The following IFNE variants were observed in gnomAD, a reference collection of about 807,000 sequenced individuals.
IFNE encodes interferon epsilon, also known as IFN-epsilon.
For missense variants in IFNE, 276 were observed against 232.4 expected (o/e 1.19, Z -1.22); for synonymous variants, 94 against 87.4 (o/e 1.08, Z -0.42).
chr9:21,481,688 T>C lies in IFNE; in HGVS notation c.7A>G (p.Ile3Val), dbSNP rs761470150. 1 of 1,609,392 alleles carries C rather than the reference T, an allele frequency of 6.2e-7. No homozygotes were observed. Among genetic ancestry groups the C allele is most frequent in the South Asian group, 1.1e-5 (1 of 90,300 alleles). Residue 3 changes from isoleucine (I) to valine (V), a missense_variant, in exon 1 of 1, where the codon ATC becomes GTC. Transcript: ENST00000448696. The stretch of plus-strand genomic sequence containing the variant: ...AACACAGTTCCAAAGAAGTGCTTGA[T>C]AATCATGGTGAAGGTCAAATATGCT... MI[I>V]KHFFGTVLVL...
At position 21,481,733 on chromosome 9, in the gene IFNE, T is replaced by C. The variant is rs1197947789; in HGVS notation, c.-39A>G. On this transcript the variant is annotated 5_prime_UTR_variant, in exon 1 of 1. The change abolishes the stop of an existing upstream ORF in the 5' untranslated region. Coordinates refer to ENST00000448696, the MANE Select transcript of IFNE (RefSeq NM_176891.5). ...TATGCTACTTATCCCTGCATAGACT[T>C]AGGGAAATTCCAGCTCTAGTGAATG... is the stretch of plus-strand genomic sequence containing the variant. 1.3e-6 allele frequency: 2 copies of C among 1,544,812 alleles called. No individual in the cohort carries two copies. Among genetic ancestry groups the C allele is most frequent in the Non-Finnish European group, 1.7e-6 (2 of 1,144,638 alleles).
Position 21,481,922 on chromosome 9 carries a change from G to A in IFNE, c.-228C>T. 2.0e-6 allele frequency: 1 copy of A among 496,532 alleles called. No homozygotes were observed. The highest frequency in any genetic ancestry group is 3.6e-6 in the Non-Finnish European group (1 of 274,122). 30.8% of individuals were successfully genotyped at this position (496,532 alleles called of 1,614,324 possible). On this transcript the variant is annotated 5_prime_UTR_variant, in exon 1 of 1. Coordinates refer to ENST00000448696, the MANE Select transcript of IFNE (RefSeq NM_176891.5). Reference sequence around the variant, plus strand: ...TCCCTATTGTGTTGGCTATTTTGAGGAAGTACCAAAATAACTTATTCATTG... The same window carrying A: ...TCCCTATTGTGTTGGCTATTTTGAGAAAGTACCAAAATAACTTATTCATTG...
Position 21,481,896 on chromosome 9 carries a change from T to C in IFNE, c.-202A>G. On this transcript the variant is annotated 5_prime_UTR_variant, in exon 1 of 1. Transcript: ENST00000448696. ...GGTGTTCAGAGTACATTTTCTCCAT[T>C]TCCCTATTGTGTTGGCTATTTTGAG... 1 of 561,362 alleles carries C rather than the reference T, an allele frequency of 1.8e-6. No homozygotes were observed. Among genetic ancestry groups the C allele is most frequent in the Non-Finnish European group, 3.2e-6 (1 of 313,704 alleles). The allele number at this position is 561,362 out of a possible 1,614,324, so 34.8% of individuals were successfully genotyped here.
chr9:21,481,921 G>A lies in IFNE; in HGVS notation c.-227C>T, dbSNP rs1340277000. On this transcript the variant is annotated 5_prime_UTR_variant, in exon 1 of 1. Transcript: ENST00000448696. The stretch of plus-strand genomic sequence containing the variant: ...TTCCCTATTGTGTTGGCTATTTTGA[G>A]GAAGTACCAAAATAACTTATTCATT... 2.0e-6 allele frequency: 1 copy of A among 496,260 alleles called. No homozygotes were observed. Among genetic ancestry groups the A allele is most frequent in the South Asian group, 3.3e-5 (1 of 30,698 alleles). The allele number at this position is 496,260 out of a possible 1,614,324, so 30.7% of individuals were successfully genotyped here. A position where few individuals can be genotyped will look rare whatever the true frequency, so the allele number is the denominator to read the frequency against.
In IFNE at chr9:21,481,419, G is replaced by A. The variant is rs745508900; in HGVS notation, c.276C>T (p.Phe92=). Residue 92 remains phenylalanine (F), a synonymous_variant, in exon 1 of 1, where the codon TTC becomes TTT. Transcript: ENST00000448696. The part of the protein sequence containing the change: ...HEMLQQIFSL[F]RANISLDGWE... ...AACCATCCAGAGAAATATTTGCCCTGAAGAGGCTGAAGATCTGCTGAAGCA... is the reference window on the plus strand; with the variant it reads ...AACCATCCAGAGAAATATTTGCCCTAAAGAGGCTGAAGATCTGCTGAAGCA... 5.5e-5 allele frequency: 89 copies of A among 1,614,046 alleles called. 2 individuals carry two copies. Among genetic ancestry groups the A allele is most frequent in the Admixed American group, 5.0e-5 (3 of 60,010 alleles).
chr9:21,482,235 G>A lies in IFNE; in HGVS notation c.-541C>T, dbSNP rs1037396008. ...GAACTGTAAATTGTCACAAATGCTT[G>A]AGCAAATAATTAATTTTAAAACATA... On this transcript the variant is annotated 5_prime_UTR_variant, in exon 1 of 1. Coordinates refer to ENST00000448696, the MANE Select transcript of IFNE (RefSeq NM_176891.5). The A allele has an allele frequency of 3.7e-5, 6 of 163,598 alleles. No individual in the cohort carries two copies. The highest frequency in any genetic ancestry group is 1.0e-4 in the African/African-American group (4 of 39,866). The allele number at this position is 163,598 out of a possible 1,614,324, so 10.1% of individuals were successfully genotyped here.
rs1023765909 is a variant in IFNE, at chr9:21,481,842, C to T, written c.-148G>A. ...TTCTAATGTCATTTCTCCAAGTTTACACATTAGATTTTCAGGTTCCCTTTT... is the reference window on the plus strand; with the variant it reads ...TTCTAATGTCATTTCTCCAAGTTTATACATTAGATTTTCAGGTTCCCTTTT... On this transcript the variant is annotated 5_prime_UTR_variant, in exon 1 of 1. Coordinates refer to ENST00000448696, the MANE Select transcript of IFNE (RefSeq NM_176891.5). 11 of 712,538 alleles carry T rather than the reference C, an allele frequency of 1.5e-5. 1 individual carries two copies. The South Asian group carries it at 2.0e-4, about 13-fold the overall frequency. The allele number at this position is 712,538 out of a possible 1,614,324, so 44.1% of individuals were successfully genotyped here.
rs765765903 is a variant in IFNE at position 21,481,069 on chromosome 9, T to G, written c.626A>C (p.Ter209SerextTer14). ...ELTTEFRSPR* is the reference protein window; with the variant it reads ...ELTTEFRSPRS Reference sequence around the variant, plus strand: ...GGAGAAGTCCTCTAGTCCCTCCACCTACCTCGGGCTTCTAAACTCTGTAGT... The same window carrying G: ...GGAGAAGTCCTCTAGTCCCTCCACCGACCTCGGGCTTCTAAACTCTGTAGT... The change falls in exon 1 of 1, where the codon TAG becomes TCG. Residue 209 changes from the stop codon to serine (S), a stop_lost. Transcript: ENST00000448696. 6.3e-7 allele frequency: 1 copy of G among 1,597,606 alleles called. No individual in the cohort carries two copies. Among genetic ancestry groups the G allele is most frequent in the Non-Finnish European group, 8.5e-7 (1 of 1,173,028 alleles).
Position 21,481,116 on chromosome 9 carries a change from C to T in IFNE, c.579G>A (p.Leu193=), listed in dbSNP as rs1322543216. The change falls in exon 1 of 1, where the codon TTG becomes TTA. Residue 193 remains leucine, a synonymous_variant. Transcript: ENST00000448696. ...TAGTAAGCTCTTGCTTCATGTCGTT[C>T]AAGGGTCTTCCTTGTTTGCTCAGTT... is the stretch of plus-strand genomic sequence containing the variant. The part of the protein sequence containing the change: ...TEKLSKQGRP[L]NDMKQELTTE... The T allele has an allele frequency of 6.2e-7, 1 of 1,613,886 alleles. No individual in the cohort carries two copies. The highest frequency in any genetic ancestry group is 8.5e-7 in the Non-Finnish European group (1 of 1,179,908).
In IFNE at chr9:21,481,160, C is replaced by G; in HGVS notation, c.535G>C (p.Val179Leu). ...QVEISRCLFF[V>L]FSLTEKLSKQ... ...CTCAGTTTTTCTGTGAGACTGAACA[C>G]AAAGAACAGACATCGGCTGATTTCT... Residue 179 changes from valine to leucine, a missense_variant, in exon 1 of 1, where the codon GTG (valine) becomes CTG (leucine). By Grantham distance (32) the Val-to-Leu change is conservative. Transcript: ENST00000448696. 6.2e-7 allele frequency: 1 copy of G among 1,614,098 alleles called. No individual in the cohort carries two copies. The highest frequency in any genetic ancestry group is 1.1e-5 in the South Asian group (1 of 91,086).
rs1335469393 is a variant in IFNE at position 21,481,564 on chromosome 9, T to A, written c.131A>T (p.Lys44Met). The change falls in exon 1 of 1, where the codon AAG becomes ATG. Residue 44 changes from lysine to methionine, a missense_variant. Transcript: ENST00000448696. ...CTGCTGAATTGACAAGGTTTGCAAC[T>A]TATTCAAGAGTTTTAAACTTTCTTG... Reference protein sequence around the residue: ...VNQESLKLLNKLQTLSIQQCL... With the variant: ...VNQESLKLLNMLQTLSIQQCL... 1 of 1,614,178 alleles carries A rather than the reference T, an allele frequency of 6.2e-7. No individual in the cohort carries two copies. The highest frequency in any genetic ancestry group is 8.5e-7 in the Non-Finnish European group (1 of 1,180,032).
At position 21,481,659 on chromosome 9, in the gene IFNE, C is replaced by T. The variant is rs1280356071; in HGVS notation, c.36G>A (p.Val12=). Residue 12 remains valine, a synonymous_variant, in exon 1 of 1, where the codon GTG becomes GTA. Transcript: ENST00000448696. ...AGAAGATAGTGGTAGAGGCCAGCAG[C>T]ACCAACACAGTTCCAAAGAAGTGCT... ...IIKHFFGTVL[V]LLASTTIFSL... The T allele has an allele frequency of 4.3e-6, 7 of 1,613,506 alleles. No individual in the cohort carries two copies. Among genetic ancestry groups the T allele is most frequent in the African/African-American group, 1.3e-5 (1 of 75,026 alleles).
Position 21,481,283 on chromosome 9 carries a change from C to T in IFNE, c.412G>A (p.Asp138Asn). 2 of 1,614,090 alleles carry T rather than the reference C, an allele frequency of 1.2e-6. No individual in the cohort carries two copies. Among genetic ancestry groups the T allele is most frequent in the Non-Finnish European group, 1.7e-6 (2 of 1,179,952 alleles). Reference protein sequence around the residue: ...AEKLSGTLGSDNLRLQVKMYF... With the variant: ...AEKLSGTLGSNNLRLQVKMYF... Reference sequence around the variant, plus strand: ...ATTTTAACTTGTAATCTAAGGTTATCACTACCCAAAGTACCACTTAGCTTC... The same window carrying T: ...ATTTTAACTTGTAATCTAAGGTTATTACTACCCAAAGTACCACTTAGCTTC... Residue 138 changes from aspartate (D) to asparagine (N), a missense_variant, in exon 1 of 1, where the codon GAT becomes AAT. Physicochemically the swap from Asp to Asn is conservative, Grantham distance 23. Coordinates refer to ENST00000448696, the MANE Select transcript of IFNE (RefSeq NM_176891.5).
Position 21,481,418 on chromosome 9 carries a change from T to C in IFNE, c.277A>G (p.Arg93Gly). The change falls in exon 1 of 1, where the codon AGG (arginine) becomes GGG (glycine). Residue 93 changes from arginine (R) to glycine (G), a missense_variant. Arg to Gly is a moderately radical substitution (Grantham distance 125, BLOSUM62 -2). Coordinates refer to ENST00000448696, the MANE Select transcript of IFNE (RefSeq NM_176891.5). ...CAACCATCCAGAGAAATATTTGCCC[T>C]GAAGAGGCTGAAGATCTGCTGAAGC... ...EMLQQIFSLF[R>G]ANISLDGWEE... 1 of 1,614,166 alleles carries C rather than the reference T, an allele frequency of 6.2e-7. No individual in the cohort carries two copies. The highest frequency in any genetic ancestry group is 8.5e-7 in the Non-Finnish European group (1 of 1,180,004).
Position 21,481,350 on chromosome 9 carries a change from T to C in IFNE, c.345A>G (p.Gln115=). The C allele has an allele frequency of 6.2e-7, 1 of 1,614,136 alleles. No individual in the cohort carries two copies. The highest frequency in any genetic ancestry group is 8.5e-7 in the Non-Finnish European group (1 of 1,180,010). ...TGAGTGCTTCTAGGTATTCTAGCTG[T>C]TGATGAAGTTGAATGAGGAATTTCT... The part of the protein sequence containing the change: ...HTEKFLIQLH[Q]QLEYLEALMG... Residue 115 remains glutamine, a synonymous_variant, in exon 1 of 1, where the codon CAA becomes CAG. Coordinates refer to ENST00000448696, the MANE Select transcript of IFNE (RefSeq NM_176891.5).
rs1378080396 is a variant in IFNE at position 21,480,879 on chromosome 9, CA to C, written c.*188del. The C allele has an allele frequency of 2.1e-6, 1 of 474,980 alleles. No homozygotes were observed. The highest frequency in any genetic ancestry group is 3.6e-6 in the Non-Finnish European group (1 of 275,052). 29.4% of individuals were successfully genotyped at this position (474,980 alleles called of 1,614,324 possible). On this transcript the variant is annotated 3_prime_UTR_variant, in exon 1 of 1. Transcript: ENST00000448696. ...ATATTAATGAATTTATTTTGACATA[CA>C]AACAATTTAAAATGGATAGAATATA... is the stretch of plus-strand genomic sequence containing the variant.
In IFNE at chr9:21,480,864, A is replaced by AG. The variant is rs1212027749; in HGVS notation, c.*203_*204insC. On this transcript the variant is annotated 3_prime_UTR_variant, in exon 1 of 1. Coordinates refer to ENST00000448696, the MANE Select transcript of IFNE (RefSeq NM_176891.5). ...TTTGAAGAATCAACCATATTAATGA[A>AG]TTTATTTTGACATACAAACAATTTA... is the stretch of plus-strand genomic sequence containing the variant. 1.1e-4 allele frequency: 52 copies of AG among 454,786 alleles called. No individual in the cohort carries two copies. The highest frequency in any genetic ancestry group is 9.7e-4 in the African/African-American group (48 of 49,346). The allele number at this position is 454,786 out of a possible 1,614,324, so 28.2% of individuals were successfully genotyped here.
In IFNE at chr9:21,481,884, C is replaced by T. The variant is rs1005909675; in HGVS notation, c.-190G>A. 36 of 581,754 alleles carry T rather than the reference C, an allele frequency of 6.2e-5. No homozygotes were observed. The highest frequency in any genetic ancestry group is 1.1e-4 in the Admixed American group (3 of 28,228). The allele number at this position is 581,754 out of a possible 1,614,324, so 36.0% of individuals were successfully genotyped here. ...TTCCCTTTTCATGGTGTTCAGAGTACATTTTCTCCATTTCCCTATTGTGTT... is the reference window on the plus strand; with the variant it reads ...TTCCCTTTTCATGGTGTTCAGAGTATATTTTCTCCATTTCCCTATTGTGTT... On this transcript the variant is annotated 5_prime_UTR_variant, in exon 1 of 1. The change abolishes an upstream ATG in the 5' untranslated region. Coordinates refer to ENST00000448696, the MANE Select transcript of IFNE (RefSeq NM_176891.5).
Position 21,481,972 on chromosome 9 carries a change from G to A in IFNE, c.-278C>T. The A allele has an allele frequency of 2.8e-6, 1 of 355,562 alleles. No individual in the cohort carries two copies. The highest frequency in any genetic ancestry group is 5.3e-6 in the Non-Finnish European group (1 of 188,236). The allele number at this position is 355,562 out of a possible 1,614,324, so 22.0% of individuals were successfully genotyped here. ...GTATGCTTTCCTTGAGGCAATTACA[G>A]ACTAGTCATCCAACATAATCTTTTA... On this transcript the variant is annotated 5_prime_UTR_variant, in exon 1 of 1. Coordinates refer to ENST00000448696, the MANE Select transcript of IFNE (RefSeq NM_176891.5).
Sources: gnomAD v4.1 joint callset for allele counts on GRCh38, gnomAD v4.1.1 for gene constraint, MANE v1.5 for transcripts, NCBI Gene and HGNC (gene_info 2026-07-23, HGNC 2026-07-21) for gene names.